ERG: variants seen among roughly 807,000 people sequenced by gnomAD.
The protein encoded by ERG is ETS transcription factor ERG, also known as transcriptional regulator ERG.
Under a neutral mutation model 55.3 loss-of-function variants are expected in ERG, and 9 were observed. That is an observed-to-expected ratio of 0.16 (90% confidence interval 0.10 to 0.28). ERG has a LOEUF of 0.28. Ranked by LOEUF, ERG falls within the 10% of genes least tolerant of loss-of-function variation. The probability of loss-of-function intolerance (pLI) is 1.00; values close to 1 mark genes in which losing one functional copy is unlikely to be tolerated. For synonymous variants in ERG, 223 were observed against 237.3 expected (o/e 0.94, Z 0.55); for missense variants, 434 against 631.6 (o/e 0.69, Z 3.35).
intron 3 of ERG, among the ~76,000 whole-genome samples, chr21:38,407,959 A>G (rs1204094283): frequency 6.6e-6 from 1 of 150,540 alleles, no homozygotes. Flanking sequence ...AAGTATTTTT[A>G]TAAAATTGCT....
chr21:38,654,292 A>G (rs1198239646), intron 1 of ERG, among the ~76,000 whole-genome samples: 1 of 152,196 alleles, frequency 6.6e-6, no homozygotes, highest in Non-Finnish European at 1.5e-5. Flanking sequence ...AGCCTGGCCA[A>G]TGTGGCGAAA....
intron 2 of ERG, among the ~76,000 whole-genome samples, chr21:38,530,053 G>A (rs1188541602): frequency 6.6e-6 from 1 of 152,068 alleles, no homozygotes; most frequent in Non-Finnish European, 1.5e-5. Flanking sequence ...AGGACTTTTG[G>A]TTTTTTAGTT....
chr21:38,550,192 C>A (rs2146814447), intron 2 of ERG, among the ~76,000 whole-genome samples: 1 of 152,228 alleles, frequency 6.6e-6, no homozygotes, highest in East Asian at 1.9e-4. Flanking sequence ...GAAAGAAGGG[C>A]CAGCCCTCCT....
intron 2 of ERG, among the ~76,000 whole-genome samples, chr21:38,515,802 T>C (rs1348183789): frequency 6.6e-6 from 1 of 151,996 alleles, no homozygotes; most frequent in African/African-American, 2.4e-5. Context: ...AAGTGGGATG[T>C]ATCCCAGAGA....
At chr21:38,425,793 T>C (rs1253134601) in intron 2 of ERG, among the ~76,000 whole-genome samples, 1 of 152,212 alleles carries the variant, frequency 6.6e-6, no homozygotes, top group Non-Finnish European at 1.5e-5. Context: ...GGGCTTGGCA[T>C]GGATGTGAAC....
chr21:38,629,212 G>A (rs564747949), intron 1 of ERG, among the ~76,000 whole-genome samples: 22 of 152,128 alleles, frequency 1.4e-4, no homozygotes, highest in Non-Finnish European at 2.8e-4. Context: ...TCCATCCCTG[G>A]TTCTTTCTCC....
rs1601259554 is a variant in ERG, at chr21:38,573,544, AC to A, written c.-41+2117del. On this transcript the variant is annotated intron_variant, in intron 2 of 8. Coordinates refer to the ERG transcript ENST00000398897. ...GAGATGTTTGGGTGGAGAGAAACAT[AC>A]ATCTGGCCTATGTGCACATCCAGGC... Among the ~76,000 whole-genome samples, 3 of 152,370 alleles carry A rather than the reference AC, an allele frequency of 2.0e-5. No individual in the cohort carries two copies. The East Asian group carries it at 5.8e-4, about 29-fold the overall frequency.
intron 1 of ERG, among the ~76,000 whole-genome samples, chr21:38,590,262 G>C (rs151273181): frequency 7.8e-4 from 119 of 152,288 alleles, no homozygotes; most frequent in African/African-American, 2.7e-3. Context: ...GGTCACAAGA[G>C]AGGTACCAAA....
chr21:38,388,570 G>C (rs769245557), intron 9 of ERG, among the ~76,000 whole-genome samples: 2 of 152,162 alleles, frequency 1.3e-5, no homozygotes, highest in African/African-American at 2.4e-5. Flanking sequence ...AAGACATTCT[G>C]GTTTCAGGGG....
intron 1 of ERG, among the ~76,000 whole-genome samples, chr21:38,581,860 G>A (rs1001640271): frequency 7.9e-5 from 12 of 152,010 alleles, no homozygotes; most frequent in African/African-American, 2.2e-4. Flanking sequence ...TGGTTAACAC[G>A]GTGAAACCCC....
intron 3 of ERG, among the ~76,000 whole-genome samples, chr21:38,422,840 T>C (rs540138323): frequency 9.8e-5 from 15 of 152,336 alleles, no homozygotes; most frequent in African/African-American, 3.4e-4. Flanking sequence ...ATATAATATA[T>C]GGCTCCCACA....
At chr21:38,526,634 C>T (rs766945117) in intron 2 of ERG, among the ~76,000 whole-genome samples, 1 of 152,078 alleles carries the variant, frequency 6.6e-6, no homozygotes, top group Non-Finnish European at 1.5e-5. Context: ...AATTAAAATA[C>T]ATGCATATAT....
intron 1 of ERG, among the ~76,000 whole-genome samples, chr21:38,599,427 G>A (rs570814092): frequency 6.6e-6 from 1 of 152,286 alleles, no homozygotes; most frequent in Admixed American, 6.5e-5. Flanking sequence ...CCATGAACAA[G>A]GGGCAGCTTT....
intron 1 of ERG, among the ~76,000 whole-genome samples, chr21:38,495,751 G>T (rs776196001): frequency 1.6e-4 from 25 of 152,146 alleles, no homozygotes; most frequent in Admixed American, 7.2e-4. Flanking sequence ...AAGGAATCAG[G>T]AAAGTCTTTG....
chr21:38,527,775 G>A (rs1166971197), intron 2 of ERG, among the ~76,000 whole-genome samples: 1 of 152,192 alleles, frequency 6.6e-6, no homozygotes, highest in Non-Finnish European at 1.5e-5. Flanking sequence ...AACTACCCTG[G>A]TTAAAACCCT....
upstream of ERG, among the ~76,000 whole-genome samples, chr21:38,500,750 T>C (rs1356640466): frequency 6.6e-6 from 1 of 152,198 alleles, no homozygotes. Context: ...GAAAAACAGA[T>C]GCTATTATTT....
chr21:38,515,940 T>C (rs958567725), intron 2 of ERG, among the ~76,000 whole-genome samples: 8 of 152,028 alleles, frequency 5.3e-5, no homozygotes, highest in Admixed American at 3.9e-4. Flanking sequence ...CATTGTTTCA[T>C]AGTAAAAGCT....
At chr21:38,461,969 T>TG (rs2059046919) in intron 1 of ERG, among the ~76,000 whole-genome samples, 1 of 150,012 alleles carries the variant, frequency 6.7e-6, no homozygotes, top group African/African-American at 2.4e-5. Flanking sequence ...CATGCCTGGC[T>TG]AATTTTTTTT....
intron 9 of ERG, among the ~76,000 whole-genome samples, chr21:38,385,291 G>A (rs1987640854): frequency 1.3e-5 from 2 of 152,266 alleles, no homozygotes; most frequent in East Asian, 1.9e-4. Context: ...TGGGAGGTGG[G>A]TCTTTCCTCC....
Sources: allele counts gnomAD v4.1 joint callset (sites outside exome capture counted in the v4.1 genomes callset), GRCh38; gene constraint gnomAD v4.1.1; transcripts MANE v1.5; gene names NCBI Gene and HGNC (gene_info 2026-07-23, HGNC 2026-07-21).